GBE1: variants seen among roughly 807,000 people sequenced by gnomAD.
GBE1 encodes the protein 1,4-alpha-glucan branching enzyme 1, also known as 1,4-alpha-glucan-branching enzyme.
In GBE1, 70 loss-of-function variants were observed where a neutral mutation model predicts 88.8. The ratio of observed to expected loss-of-function variants is 0.79; its 90% CI spans 0.65 to 0.96. The LOEUF is 0.96. Among genes scored for constraint, GBE1 ranks in the 40% least tolerant of loss-of-function variants. The pLI is 0.00. For synonymous variants in GBE1, 284 were observed against 300.1 expected, an observed-to-expected ratio of 0.95 and a Z score of 0.56; for missense variants, 872 against 871.0, an observed-to-expected ratio of 1.00 and a Z score of -0.01.
chr3:81,635,718 C>T (rs1704582280), intron 7 of GBE1, among the ~76,000 whole-genome samples: 1 of 152,052 alleles, frequency 6.6e-6, no homozygotes, highest in Admixed American at 6.6e-5. Flanking sequence ...CACATAATTC[C>T]CAGACTTAAA....
intron 12 of GBE1, among the ~76,000 whole-genome samples, chr3:81,538,934 G>GC (rs534273471): frequency 1.3e-5 from 2 of 151,954 alleles, no homozygotes; most frequent in South Asian, 4.1e-4. Flanking sequence ...AATTCCTTTA[G>GC]CCCTCTTCCA....
chr3:81,521,703 C>T (rs2106847186), intron 14 of GBE1, among the ~76,000 whole-genome samples: 1 of 151,592 alleles, frequency 6.6e-6, no homozygotes, highest in East Asian at 1.9e-4. Context: ...GAGAATTGTC[C>T]TGTAATATTC....
At chr3:81,578,872 AT>A (rs2106935139) in intron 11 of GBE1, among the ~76,000 whole-genome samples, 1 of 152,206 alleles carries the variant, frequency 6.6e-6, no homozygotes, top group African/African-American at 2.4e-5. Flanking sequence ...CCCTATTACA[AT>A]TCTTTTCATT....
intron 12 of GBE1, among the ~76,000 whole-genome samples, chr3:81,566,169 A>G (rs965216393): frequency 2.0e-5 from 3 of 152,218 alleles, no homozygotes; most frequent in Non-Finnish European, 4.4e-5. Context: ...CTTCTGTTCT[A>G]AAACAGGAGA....
At chr3:81,595,449 C>A (rs985104996) in intron 7 of GBE1, among the ~76,000 whole-genome samples, 3 of 151,718 alleles carry the variant, frequency 2.0e-5, no homozygotes, top group Non-Finnish European at 4.4e-5. Flanking sequence ...AAGGAAGATA[C>A]AGAGAGTTCC....
At chr3:81,585,120 A>G (rs1431972290) in intron 10 of GBE1, among the ~76,000 whole-genome samples, 1 of 152,164 alleles carries the variant, frequency 6.6e-6, no homozygotes, top group East Asian at 1.9e-4. Flanking sequence ...TCTTTATAAA[A>G]TACTTGCTTT....
At chr3:81,716,983 C>G (rs2107184488) in intron 1 of GBE1, among the ~76,000 whole-genome samples, 1 of 152,262 alleles carries the variant, frequency 6.6e-6, no homozygotes, top group East Asian at 1.9e-4. Context: ...TCTGGTCAGG[C>G]CTGGAAGTGT....
At chr3:81,638,155 A>G (rs991808769) in intron 7 of GBE1, among the ~76,000 whole-genome samples, 3 of 152,114 alleles carry the variant, frequency 2.0e-5, no homozygotes, top group African/African-American at 7.2e-5. Flanking sequence ...ATGACCCTAA[A>G]AAGACCAATT....
intron 1 of GBE1, among the ~76,000 whole-genome samples, chr3:81,711,306 G>A (rs1705862284): frequency 6.6e-6 from 1 of 152,158 alleles, no homozygotes; most frequent in Non-Finnish European, 1.5e-5. Context: ...GCTTGGATTA[G>A]AAGCAAGAAA....
chr3:81,683,467 A>T (rs1476259636), intron 2 of GBE1, among the ~76,000 whole-genome samples: 4 of 152,206 alleles, frequency 2.6e-5, no homozygotes, highest in African/African-American at 9.6e-5. Context: ...GACTCTATGA[A>T]GAAAAAATGA....
intron 7 of GBE1, among the ~76,000 whole-genome samples, chr3:81,609,579 GTTTTTGCT>G (rs1436871277): frequency 6.6e-6 from 1 of 151,506 alleles, no homozygotes; most frequent in African/African-American, 2.4e-5. Flanking sequence ...GTTTTTGTTT[GTTTTTGCT>G]TTTTTGCTTT....
chr3:81,707,413 GA>G (rs557668887), intron 1 of GBE1, among the ~76,000 whole-genome samples: 251 of 151,738 alleles, frequency 1.7e-3, no homozygotes, highest in African/African-American at 5.8e-3. Context: ...CATTCTAGAA[GA>G]AAAATAAGCT....
In GBE1 at chr3:81,492,709, T is replaced by TTC. The variant is rs1559622734; in HGVS notation, c.2053-2247_2053-2246insGA. 8.8e-5 allele frequency among the ~76,000 whole-genome samples: 13 copies of TTC among 146,968 alleles called. No homozygotes were observed. In the South Asian group the frequency reaches 1.3e-3, roughly 15 times the overall value. ...CTTTCTCCCTTTCTCCCTTTCTTCC[T>TTC]TTCCTTCCTTCCTTCCTTCCTTCCT... On this transcript the variant is annotated intron_variant, in intron 15 of 15. Transcript: ENST00000429644.
At chr3:81,673,533 A>G (rs1363004561) in intron 2 of GBE1, among the ~76,000 whole-genome samples, 2 of 151,980 alleles carry the variant, frequency 1.3e-5, no homozygotes, top group African/African-American at 4.8e-5. Flanking sequence ...AAATTTAGAT[A>G]TGCAGATTTA....
chr3:81,641,895 A>C (rs932341258), intron 7 of GBE1, among the ~76,000 whole-genome samples: 2 of 149,834 alleles, frequency 1.3e-5, no homozygotes, highest in African/African-American at 4.9e-5. Flanking sequence ...TTTCAAAAAT[A>C]CATACACATA....
At chr3:81,655,650 G>C (rs902996072) in intron 3 of GBE1, among the ~76,000 whole-genome samples, 1 of 152,034 alleles carries the variant, frequency 6.6e-6, no homozygotes, top group Non-Finnish European at 1.5e-5. Flanking sequence ...CTGAGTAGCT[G>C]GGATTACAGG....
chr3:81,626,289 A>G (rs1224070141), intron 7 of GBE1, among the ~76,000 whole-genome samples: 1 of 152,226 alleles, frequency 6.6e-6, no homozygotes, highest in Non-Finnish European at 1.5e-5. Context: ...TATTCTTTAC[A>G]AAACAAAAGT....
intron 7 of GBE1, among the ~76,000 whole-genome samples, chr3:81,621,360 A>T (rs2107013633): frequency 6.6e-6 from 1 of 152,308 alleles, no homozygotes; most frequent in South Asian, 2.1e-4. Context: ...CATTTTGGAA[A>T]AGTTAAGTAT....
chr3:81,651,592 G>A (rs570421095), intron 3 of GBE1, among the ~76,000 whole-genome samples: 16 of 152,056 alleles, frequency 1.1e-4, no homozygotes, highest in South Asian at 6.2e-4. Flanking sequence ...TAAGCTACAT[G>A]AATTTGTAGC....
Sources: gnomAD v4.1 joint callset for allele counts (sites outside exome capture counted in the v4.1 genomes callset) on GRCh38, gnomAD v4.1.1 for gene constraint, MANE v1.5 for transcripts, NCBI Gene and HGNC (gene_info 2026-07-23, HGNC 2026-07-21) for gene names.